Variants in DLGAP2 observed in about 807,000 individuals in gnomAD.
DLGAP2 encodes DLG associated protein 2.
Under a neutral mutation model 100.3 loss-of-function variants are expected in DLGAP2, and 26 were observed. The observed-to-expected ratio is 0.26, with a 90% CI of 0.19 to 0.36. The LOEUF (loss-of-function observed/expected upper bound fraction) is 0.36, where lower values mean the gene tolerates loss of function less well. DLGAP2 is among the 10% of genes least tolerant of loss of function. The pLI is 1.00. For synonymous variants in DLGAP2, 886 were observed against 630.1 expected, an observed-to-expected ratio of 1.41 and a Z score of -6.08; for missense variants, 1,858 against 1,453.2, an observed-to-expected ratio of 1.28 and a Z score of -4.53.
chr8:1,480,807 A>C (rs537622191), intron 3 of DLGAP2, among the ~76,000 whole-genome samples: 35 of 151,870 alleles, frequency 2.3e-4, no homozygotes, highest in Middle Eastern at 6.9e-3. Flanking sequence ...CAGAGGTTGC[A>C]GTGAGCTGAG....
chr8:1,221,067 G>A (rs1168868869), intron 2 of DLGAP2, among the ~76,000 whole-genome samples: 1 of 152,146 alleles, frequency 6.6e-6, no homozygotes. Context: ...TCCACTCTTT[G>A]CCTTTTAACT....
At chr8:1,511,919 A>G (rs546656806) in intron 4 of DLGAP2, among the ~76,000 whole-genome samples, 3 of 152,372 alleles carry the variant, frequency 2.0e-5, no homozygotes, top group African/African-American at 7.2e-5. Flanking sequence ...GTCTTATCAG[A>G]GCCTGACAAA....
chr8:1,078,114 A>T (rs984850680), intron 2 of DLGAP2, among the ~76,000 whole-genome samples: 2 of 152,088 alleles, frequency 1.3e-5, no homozygotes, highest in African/African-American at 2.4e-5. Flanking sequence ...GATGGGAGGG[A>T]TGGTGAGTCC....
intron 11 of DLGAP2, 37 bp from the exon 12 acceptor site, chr8:1,678,177 A>G: frequency 6.4e-7 from 1 of 1,571,450 alleles, no homozygotes; most frequent in Non-Finnish European, 8.6e-7. Flanking sequence ...GTCCTCTCAG[A>G]AGGGCTACCA....
chr8:1,289,424 T>C (rs968164851), intron 3 of DLGAP2, among the ~76,000 whole-genome samples: 8 of 152,222 alleles, frequency 5.3e-5, no homozygotes, highest in African/African-American at 1.9e-4. Flanking sequence ...GCTACACACA[T>C]GCCCTGTCTA....
intron 5 of DLGAP2, among the ~76,000 whole-genome samples, chr8:1,558,429 G>A (rs1189097468): frequency 6.6e-6 from 1 of 152,204 alleles, no homozygotes; most frequent in South Asian, 2.1e-4. Context: ...CAGGAGAAGA[G>A]GGAAGCGTGG....
At chr8:1,145,150 G>C (rs1019121796) in intron 2 of DLGAP2, among the ~76,000 whole-genome samples, 2 of 152,186 alleles carry the variant, frequency 1.3e-5, no homozygotes, top group African/African-American at 2.4e-5. Flanking sequence ...GATGGAGACA[G>C]ACAAAGCAAC....
intron 2 of DLGAP2, among the ~76,000 whole-genome samples, chr8:996,618 A>G (rs973886708): frequency 5.9e-5 from 9 of 152,222 alleles, no homozygotes; most frequent in African/African-American, 1.7e-4. Context: ...CCTTATGAAT[A>G]TAAAAGGATC....
intron 1 of DLGAP2, among the ~76,000 whole-genome samples, chr8:833,393 C>T (rs1007816944): frequency 3.3e-5 from 5 of 152,152 alleles, no homozygotes; most frequent in African/African-American, 1.2e-4. Context: ...CGGGTGTCAG[C>T]CAGGCCAGCT....
In DLGAP2 at chr8:1,219,438, C is replaced by G. The variant is rs183011487; in HGVS notation, c.74-39413C>G. On this transcript the variant is annotated intron_variant, in intron 2 of 14. Coordinates refer to ENST00000637795, the MANE Select transcript of DLGAP2 (RefSeq NM_001346810.2). Reference sequence around the variant, plus strand: ...TCACATTTATTTATGTTTGTTAAACCAAACTTGCATCCAGGAATCAATATT... The same window carrying G: ...TCACATTTATTTATGTTTGTTAAACGAAACTTGCATCCAGGAATCAATATT... 3.1e-3 allele frequency among the ~76,000 whole-genome samples: 468 copies of G among 152,086 alleles called. 5 individuals carry two copies. The highest frequency in any genetic ancestry group is 0.011 in the African/African-American group (443 of 41,504).
At chr8:1,689,974 A>T (rs997252232) in intron 12 of DLGAP2, among the ~76,000 whole-genome samples, 8 of 152,210 alleles carry the variant, frequency 5.3e-5, no homozygotes, top group African/African-American at 1.9e-4. Flanking sequence ...GTTCCAGTCG[A>T]TTCCTGTGTG....
intron 3 of DLGAP2, among the ~76,000 whole-genome samples, chr8:1,439,468 C>A (rs987164785): frequency 6.6e-6 from 1 of 152,186 alleles, no homozygotes; most frequent in African/African-American, 2.4e-5. Flanking sequence ...GCTGCCCAGC[C>A]TTGCTGACCA....
chr8:1,506,644 C>G (rs977015223), intron 4 of DLGAP2, among the ~76,000 whole-genome samples: 3 of 152,202 alleles, frequency 2.0e-5, no homozygotes, highest in African/African-American at 7.2e-5. Flanking sequence ...TGCTTTTATT[C>G]CCTTATCTGG....
chr8:748,095 TGGGCGGGTCTGCGGTGG>T (rs1193542951), intron 1 of DLGAP2, among the ~76,000 whole-genome samples: 4 of 41,798 alleles, frequency 9.6e-5, no homozygotes, highest in Non-Finnish European at 1.5e-4. Context: ...TGCGGTGGGA[TGGGCGGGTCTGCGGTGG>T]GATGGGGAGC....
At chr8:1,334,718 G>A (rs191429518) in intron 3 of DLGAP2, among the ~76,000 whole-genome samples, 2 of 152,082 alleles carry the variant, frequency 1.3e-5, no homozygotes, top group Non-Finnish European at 2.9e-5. Flanking sequence ...GCCAGGCCGT[G>A]TGCCTTCTGT....
At chr8:1,614,630 C>T (rs986308184) in intron 6 of DLGAP2, among the ~76,000 whole-genome samples, 1 of 152,248 alleles carries the variant, frequency 6.6e-6, no homozygotes, top group Non-Finnish European at 1.5e-5. Context: ...ACAGCCTCTG[C>T]CTCTGCAGTG....
At chr8:979,885 G>C (rs1300678287) in intron 2 of DLGAP2, among the ~76,000 whole-genome samples, 1 of 152,204 alleles carries the variant, frequency 6.6e-6, no homozygotes, top group Non-Finnish European at 1.5e-5. Context: ...GGTTTCCTTG[G>C]GTTTGCCATT....
intron 3 of DLGAP2, among the ~76,000 whole-genome samples, chr8:1,355,756 C>G (rs1171843803): frequency 6.6e-6 from 1 of 152,126 alleles, no homozygotes; most frequent in African/African-American, 2.4e-5. Context: ...TCCCTGTGGA[C>G]AAGTGCCCCA....
chr8:1,580,433 A>G (rs1054136677), intron 6 of DLGAP2, among the ~76,000 whole-genome samples: 5 of 152,248 alleles, frequency 3.3e-5, no homozygotes, highest in African/African-American at 1.2e-4. Flanking sequence ...GGAGGCTCGA[A>G]GAGAAAGCGT....
Sources: gnomAD v4.1 joint callset for allele counts (sites outside exome capture counted in the v4.1 genomes callset) on GRCh38, gnomAD v4.1.1 for gene constraint, MANE v1.5 for transcripts, NCBI Gene and HGNC (gene_info 2026-07-23, HGNC 2026-07-21) for gene names.